Variants in GABRB2 observed in about 807,000 individuals in gnomAD.
GABRB2 encodes gamma-aminobutyric acid receptor subunit beta-2.
A neutral mutation model predicts 54.7 loss-of-function variants in GABRB2; 16 were observed. That is an observed-to-expected ratio of 0.29 (90% CI 0.20 to 0.44). The LOEUF is 0.44. GABRB2 is among the 20% of genes least tolerant of loss of function. GABRB2 has a pLI of 1.00. For missense variants in GABRB2, 355 were observed against 644.0 expected, an observed-to-expected ratio of 0.55 and a Z score of 4.86; for synonymous variants, 244 against 233.8, an observed-to-expected ratio of 1.04 and a Z score of -0.40.
At chr5:161,526,993 G>A (rs547643875) in intron 3 of GABRB2, among the ~76,000 whole-genome samples, 1 of 151,456 alleles carries the variant, frequency 6.6e-6, no homozygotes, top group African/African-American at 2.4e-5. Context: ...AATAGGGGTA[G>A]CATTTTTAAA....
chr5:161,294,482 C>T (rs1757327663), intron 9 of GABRB2, 54 bp from the exon 10 acceptor site: 2 of 1,480,040 alleles, frequency 1.4e-6, no homozygotes, highest in Non-Finnish European at 1.9e-6. Flanking sequence ...TTTACAGGTG[C>T]TTACTAGGCA....
At chr5:161,295,884 T>C (rs1757367628) in intron 9 of GABRB2, among the ~76,000 whole-genome samples, 1 of 152,210 alleles carries the variant, frequency 6.6e-6, no homozygotes, top group South Asian at 2.1e-4. Flanking sequence ...TGAAAGTTTA[T>C]ATCATTTGGA....
intron 5 of GABRB2, among the ~76,000 whole-genome samples, chr5:161,352,307 C>T (rs1375367645): frequency 6.6e-6 from 1 of 151,812 alleles, no homozygotes; most frequent in East Asian, 1.9e-4. Flanking sequence ...GAACCTGTGT[C>T]CATCAATGGA....
intron 3 of GABRB2, among the ~76,000 whole-genome samples, chr5:161,489,066 T>C (rs891698725): frequency 2.6e-5 from 4 of 151,754 alleles, no homozygotes; most frequent in Admixed American, 1.3e-4. Flanking sequence ...TGGTTGAAAC[T>C]ATGAAATCTA....
intron 8 of GABRB2, among the ~76,000 whole-genome samples, chr5:161,328,397 A>G (rs1029021352): frequency 8.5e-5 from 13 of 152,198 alleles, no homozygotes; most frequent in African/African-American, 3.1e-4. Flanking sequence ...ATTGAGGACT[A>G]TATTACCCTC....
chr5:161,416,695 T>TAAAAAAAAAA (rs1756678918), intron 4 of GABRB2, among the ~76,000 whole-genome samples: 13 of 6,314 alleles, frequency 2.1e-3, no homozygotes, highest in Non-Finnish European at 4.1e-3. Flanking sequence ...AGACTCCGTC[T>TAAAAAAAAAA]CAAAAAAAAA....
chr5:161,321,630 A>G (rs1758212897), intron 9 of GABRB2, among the ~76,000 whole-genome samples: 1 of 152,174 alleles, frequency 6.6e-6, no homozygotes, highest in African/African-American at 2.4e-5. Context: ...ATTTGTCATT[A>G]TGTATCAATA....
chr5:161,312,731 G>A (rs149396440), intron 9 of GABRB2, among the ~76,000 whole-genome samples: 3 of 152,258 alleles, frequency 2.0e-5, no homozygotes, highest in East Asian at 1.9e-4. Context: ...GAAATTTGCC[G>A]AAATTTGTAT....
intron 4 of GABRB2, among the ~76,000 whole-genome samples, chr5:161,419,774 T>C (rs1756794564): frequency 6.6e-6 from 1 of 152,138 alleles, no homozygotes; most frequent in South Asian, 2.1e-4. Context: ...CACATGTACC[T>C]ACAAAGGAAA....
chr5:161,330,934 A>G lies in GABRB2; in HGVS notation c.1026T>C (p.Ala342=). 1 of 1,614,178 alleles carries G rather than the reference A, an allele frequency of 6.2e-7. No individual in the cohort carries two copies. Among genetic ancestry groups the G allele is most frequent in the Non-Finnish European group, 8.5e-7 (1 of 1,180,004 alleles). Residue 342 remains alanine (A), a synonymous_variant, in exon 8 of 10, where the codon GCT becomes GCC. Transcript: ENST00000393959. The part of the protein sequence containing the change: ...GRGPQRQKKA[A]EKAASANNEK... ...CATTGTTGGCACTGGCAGCCTTCTC[A>G]GCTGCTTTCTTTTGGCGTTGGGGCC... is the stretch of plus-strand genomic sequence containing the variant.
At chr5:161,306,570 T>C (rs1039857318) in intron 9 of GABRB2, among the ~76,000 whole-genome samples, 7 of 152,300 alleles carry the variant, frequency 4.6e-5, no homozygotes, top group East Asian at 1.9e-4. Context: ...TTCTTTTTCA[T>C]AGGTGTGTGG....
intron 4 of GABRB2, among the ~76,000 whole-genome samples, chr5:161,439,524 G>T (rs1165107182): frequency 6.6e-6 from 1 of 152,014 alleles, no homozygotes; most frequent in Non-Finnish European, 1.5e-5. Flanking sequence ...ATGTAACTGG[G>T]GTGTGTAAGC....
chr5:161,299,932 T>C (rs1757488603), intron 9 of GABRB2, among the ~76,000 whole-genome samples: 2 of 152,324 alleles, frequency 1.3e-5, no homozygotes, highest in East Asian at 3.9e-4. Flanking sequence ...AATAATACCA[T>C]CTTCAGTATG....
At chr5:161,434,458 C>T (rs1250608682) in intron 4 of GABRB2, among the ~76,000 whole-genome samples, 2 of 152,132 alleles carry the variant, frequency 1.3e-5, no homozygotes, top group Non-Finnish European at 2.9e-5. Flanking sequence ...TCTTCCCTCT[C>T]TAACCTCTCT....
At chr5:161,419,188 G>T (rs1422311952) in intron 4 of GABRB2, among the ~76,000 whole-genome samples, 4 of 152,034 alleles carry the variant, frequency 2.6e-5, no homozygotes, top group African/African-American at 9.7e-5. Context: ...CATACAAGTG[G>T]TCCACAAACA....
rs1561689513 is a variant in GABRB2 at position 161,546,190 on chromosome 5, C to A, written c.169+132G>T. On this transcript the variant is annotated intron_variant, in intron 2 of 9. Transcript: ENST00000393959. ...CCAGCTTAAGTTTTGATCAGTTTCTCAATATGGTAAAATAGAGACACATTC... is the reference window on the plus strand; with the variant it reads ...CCAGCTTAAGTTTTGATCAGTTTCTAAATATGGTAAAATAGAGACACATTC... 8.5e-6 allele frequency: 6 copies of A among 702,322 alleles called. No homozygotes were observed. In the African/African-American group the frequency reaches 1.1e-4, roughly 13 times the overall value. The allele number at this position is 702,322 out of a possible 1,614,324, so 43.5% of individuals were successfully genotyped here.
chr5:161,298,258 C>T (rs1757439895), intron 9 of GABRB2, among the ~76,000 whole-genome samples: 1 of 152,146 alleles, frequency 6.6e-6, no homozygotes, highest in South Asian at 2.1e-4. Flanking sequence ...ATTTCTTTTG[C>T]TGTGCAGAAG....
intron 5 of GABRB2, among the ~76,000 whole-genome samples, chr5:161,347,942 C>A (rs1414823809): frequency 6.6e-6 from 1 of 151,996 alleles, no homozygotes; most frequent in Admixed American, 6.6e-5. Context: ...AAGGGAATTT[C>A]CAACTGATTT....
chr5:161,432,694 T>G (rs1757203093), intron 4 of GABRB2, among the ~76,000 whole-genome samples: 1 of 151,728 alleles, frequency 6.6e-6, no homozygotes, highest in Admixed American at 6.6e-5. Context: ...ACTAGATGAG[T>G]GTAGGGCCCA....
Sources: allele counts gnomAD v4.1 joint callset (sites outside exome capture counted in the v4.1 genomes callset), GRCh38; gene constraint gnomAD v4.1.1; transcripts MANE v1.5; gene names NCBI Gene and HGNC (gene_info 2026-07-23, HGNC 2026-07-21).